The following SDK1 variants were observed in gnomAD, a reference collection of about 807,000 sequenced individuals.
The protein encoded by SDK1 is sidekick cell adhesion molecule 1, also known as protein sidekick-1.
Under a neutral mutation model 245.5 loss-of-function variants are expected in SDK1, and 157 were observed. That is an observed-to-expected ratio of 0.64 (90% CI 0.56 to 0.73). SDK1 has a LOEUF of 0.73. Among genes scored for constraint, SDK1 ranks in the 30% least tolerant of loss-of-function variants. SDK1 has a pLI of 0.00. For synonymous variants in SDK1, 1,647 were observed against 1,278.5 expected, an observed-to-expected ratio of 1.29 and a Z score of -6.15; for missense variants, 3,583 against 3,002.3, an observed-to-expected ratio of 1.19 and a Z score of -4.52.
At chr7:3,663,809 C>G (rs2341451) in intron 4 of SDK1, among the ~76,000 whole-genome samples, 55,467 of 152,064 alleles carry the variant, frequency 0.36, 11,156 homozygotes, top group African/African-American at 0.53. Flanking sequence ...AAGTAGAAAA[C>G]TAAATCTAAG....
At chr7:3,441,401 CA>C (rs901794821) in intron 1 of SDK1, among the ~76,000 whole-genome samples, 5 of 150,648 alleles carry the variant, frequency 3.3e-5, no homozygotes, top group Admixed American at 6.6e-5. Flanking sequence ...AAAAAACAAA[CA>C]AAAAAAAACC....
intron 5 of SDK1, among the ~76,000 whole-genome samples, chr7:3,867,570 G>A (rs1467845891): frequency 6.6e-6 from 1 of 152,108 alleles, no homozygotes; most frequent in Non-Finnish European, 1.5e-5. Context: ...AGCTTGTGCA[G>A]GGGAGCTTCT....
At chr7:4,139,663 ATGTGTG>A (rs746204966) in intron 28 of SDK1, among the ~76,000 whole-genome samples, 2 of 74,844 alleles carry the variant, frequency 2.7e-5, no homozygotes, top group African/African-American at 1.0e-4. Context: ...GTGTGTGTAT[ATGTGTG>A]TGTGTATATG....
At chr7:3,813,280 G>A (rs942338516) in intron 4 of SDK1, among the ~76,000 whole-genome samples, 5 of 118,626 alleles carry the variant, frequency 4.2e-5, no homozygotes, top group Admixed American at 1.0e-4. Context: ...CCCCACCACA[G>A]TCCCCAGAGT....
At chr7:3,903,791 G>T (rs1033931428) in intron 5 of SDK1, among the ~76,000 whole-genome samples, 10 of 152,158 alleles carry the variant, frequency 6.6e-5, no homozygotes, top group Admixed American at 2.0e-4. Flanking sequence ...CCTCATGGGA[G>T]GTGTTTGGGT....
chr7:3,964,768 C>T (rs1011301358), intron 9 of SDK1, among the ~76,000 whole-genome samples: 4 of 152,166 alleles, frequency 2.6e-5, no homozygotes, highest in Non-Finnish European at 4.4e-5. Flanking sequence ...AAATCAGTGT[C>T]ACTGTGTGCA....
At chr7:4,122,189 A>T (rs1308454655) in intron 25 of SDK1, among the ~76,000 whole-genome samples, 4 of 152,110 alleles carry the variant, frequency 2.6e-5, no homozygotes, top group Non-Finnish European at 5.9e-5. Context: ...CTTCTCTGGG[A>T]ATCTCCCCAC....
intron 40 of SDK1, among the ~76,000 whole-genome samples, chr7:4,224,316 C>T (rs1373394601): frequency 6.6e-6 from 1 of 152,198 alleles, no homozygotes; most frequent in East Asian, 1.9e-4. Context: ...TGGGGAGACC[C>T]CAGGAAGCTT....
intron 4 of SDK1, among the ~76,000 whole-genome samples, chr7:3,735,281 T>G (rs1394327583): frequency 6.6e-6 from 1 of 152,214 alleles, no homozygotes; most frequent in African/African-American, 2.4e-5. Flanking sequence ...TTTTTTACCT[T>G]GCGAAACTGA....
At chr7:3,800,961 G>GT (rs1779093127) in intron 4 of SDK1, among the ~76,000 whole-genome samples, 1 of 152,034 alleles carries the variant, frequency 6.6e-6, no homozygotes, top group Admixed American at 6.6e-5. Flanking sequence ...TTTTTTACAC[G>GT]TTTTTACACC....
intron 28 of SDK1, among the ~76,000 whole-genome samples, chr7:4,145,022 G>A (rs1411270081): frequency 6.6e-6 from 1 of 152,196 alleles, no homozygotes; most frequent in Non-Finnish European, 1.5e-5. Context: ...GGCCAGTGGA[G>A]AGGAGTGATC....
At chr7:3,807,815 C>A (rs1330694230) in intron 4 of SDK1, among the ~76,000 whole-genome samples, 2 of 152,156 alleles carry the variant, frequency 1.3e-5, no homozygotes, top group Non-Finnish European at 2.9e-5. Flanking sequence ...AATTATTTGA[C>A]CTCTGGTAGC....
chr7:3,435,151 C>T (rs1345958262), intron 1 of SDK1, among the ~76,000 whole-genome samples: 1 of 146,808 alleles, frequency 6.8e-6, no homozygotes, highest in East Asian at 1.9e-4. Flanking sequence ...AATAATTTTG[C>T]AAAAGTCTCT....
chr7:3,479,531 G>A (rs1781449188), intron 1 of SDK1, among the ~76,000 whole-genome samples: 1 of 150,072 alleles, frequency 6.7e-6, no homozygotes, highest in African/African-American at 2.5e-5. Context: ...TTTAATGATT[G>A]TTTTTGCTCT....
chr7:3,910,432 C>A (rs1264199238), intron 5 of SDK1, among the ~76,000 whole-genome samples: 3 of 151,870 alleles, frequency 2.0e-5, no homozygotes, highest in Non-Finnish European at 4.4e-5. Flanking sequence ...CTGAAGAGGC[C>A]AGATTTCTGT....
chr7:3,676,231 C>G (rs962870150), intron 4 of SDK1, among the ~76,000 whole-genome samples: 3 of 152,028 alleles, frequency 2.0e-5, no homozygotes, highest in Middle Eastern at 6.8e-3. Flanking sequence ...GTTGCCCAGA[C>G]TGGTCTCAAA....
chr7:3,393,604 T>G (rs1378990419), intron 1 of SDK1, among the ~76,000 whole-genome samples: 1 of 152,192 alleles, frequency 6.6e-6, no homozygotes, highest in Non-Finnish European at 1.5e-5. Context: ...GCAGTTAAAA[T>G]GAATGGGCTA....
intron 22 of SDK1, among the ~76,000 whole-genome samples, chr7:4,088,842 A>G (rs181248150): frequency 1.3e-5 from 2 of 152,340 alleles, no homozygotes. Flanking sequence ...CAGTTTTCAT[A>G]AACACAGTTT....
intron 5 of SDK1, among the ~76,000 whole-genome samples, chr7:3,916,351 C>T (rs1272735302): frequency 1.4e-4 from 21 of 152,212 alleles, no homozygotes; most frequent in Admixed American, 1.4e-3. Context: ...TGTTTGGGAA[C>T]AAAAGGAAGG....
Sources: gnomAD v4.1 joint callset for allele counts (sites outside exome capture counted in the v4.1 genomes callset) on GRCh38, gnomAD v4.1.1 for gene constraint, MANE v1.5 for transcripts, NCBI Gene and HGNC (gene_info 2026-07-23, HGNC 2026-07-21) for gene names.